Variants in GRIN2A observed in about 807,000 individuals in gnomAD.
The protein encoded by GRIN2A is glutamate receptor ionotropic, NMDA 2A.
Under a neutral mutation model 113.4 loss-of-function variants are expected in GRIN2A, and 22 were observed. The observed-to-expected ratio is 0.19, with a 90% CI of 0.14 to 0.28. The LOEUF (loss-of-function observed/expected upper bound fraction) is 0.28. GRIN2A is among the 10% of genes least tolerant of loss of function. The probability of loss-of-function intolerance (pLI) is 1.00; values close to 1 mark genes in which losing one functional copy is unlikely to be tolerated. For missense variants in GRIN2A, 1,502 were observed against 1,887.0 expected, an observed-to-expected ratio of 0.80 and a Z score of 3.78; for synonymous variants, 827 against 738.4, an observed-to-expected ratio of 1.12 and a Z score of -1.94.
chr16:10,109,355 A>C (rs1170786417), intron 2 of GRIN2A, among the ~76,000 whole-genome samples: 1 of 152,092 alleles, frequency 6.6e-6, no homozygotes, highest in Non-Finnish European at 1.5e-5. Context: ...GAAAAAAAAA[A>C]AAGAGTCCTA....
chr16:9,907,409 C>T (rs1042582514), intron 3 of GRIN2A, among the ~76,000 whole-genome samples: 7 of 152,044 alleles, frequency 4.6e-5, no homozygotes, highest in Admixed American at 3.9e-4. Flanking sequence ...TGACATTCTC[C>T]GAAACCCAAA....
intron 2 of GRIN2A, among the ~76,000 whole-genome samples, chr16:10,095,822 G>C (rs1472742814): frequency 6.6e-6 from 1 of 151,978 alleles, no homozygotes; most frequent in Admixed American, 6.6e-5. Context: ...ATCATCTCTT[G>C]ATACAATGCA....
At chr16:10,154,107 G>T (rs1277938429) in intron 2 of GRIN2A, among the ~76,000 whole-genome samples, 1 of 152,106 alleles carries the variant, frequency 6.6e-6, no homozygotes, top group African/African-American at 2.4e-5. Flanking sequence ...TGAATCAGTT[G>T]TGGCAATCAA....
chr16:9,879,213 G>C (rs971983930), intron 4 of GRIN2A, among the ~76,000 whole-genome samples: 1 of 152,076 alleles, frequency 6.6e-6, no homozygotes, highest in African/African-American at 2.4e-5. Flanking sequence ...ACTCTGCTAA[G>C]GTTGATATTA....
chr16:9,855,708 T>TGC (rs1408542107), intron 4 of GRIN2A, among the ~76,000 whole-genome samples: 516 of 152,318 alleles, frequency 3.4e-3, no homozygotes, highest in African/African-American at 0.011. Context: ...TTACTTGACA[T>TGC]TTAATTCTGT....
At chr16:9,984,540 T>C (rs1008317787) in intron 2 of GRIN2A, among the ~76,000 whole-genome samples, 4 of 152,192 alleles carry the variant, frequency 2.6e-5, no homozygotes, top group Non-Finnish European at 5.9e-5. Flanking sequence ...TGGTGAGAGA[T>C]AGATGCCTAG....
At chr16:9,771,326 AT>A (rs1486890076) in intron 11 of GRIN2A, among the ~76,000 whole-genome samples, 2 of 151,610 alleles carry the variant, frequency 1.3e-5, no homozygotes, top group Non-Finnish European at 2.9e-5. Context: ...GTAATTTCCA[AT>A]AGATGTATTT....
chr16:9,953,982 T>A (rs1441291004), intron 2 of GRIN2A, among the ~76,000 whole-genome samples: 3 of 151,726 alleles, frequency 2.0e-5, no homozygotes, highest in Admixed American at 2.0e-4. Context: ...TTTAGAGGTA[T>A]AGAGAAGAAT....
chr16:9,775,196 C>T (rs1287221534), intron 11 of GRIN2A, among the ~76,000 whole-genome samples: 6 of 152,074 alleles, frequency 3.9e-5, no homozygotes, highest in Non-Finnish European at 8.8e-5. Flanking sequence ...CACAGGCACA[C>T]GTCTACATAT....
At chr16:9,901,138 C>T (rs2043913658) in intron 3 of GRIN2A, among the ~76,000 whole-genome samples, 1 of 152,156 alleles carries the variant, frequency 6.6e-6, no homozygotes. Flanking sequence ...CCTTCTGCTG[C>T]TTTTTCTCCC....
chr16:9,882,180 G>T (rs1173240987), intron 4 of GRIN2A, among the ~76,000 whole-genome samples: 4 of 152,100 alleles, frequency 2.6e-5, no homozygotes, highest in African/African-American at 9.7e-5. Context: ...GGAAAGAGAT[G>T]GCAAGGAGAG....
At position 10,008,141 on chromosome 16, in the gene GRIN2A, T is replaced by C. The variant is rs557285942; in HGVS notation, c.415-69590A>G. Among the ~76,000 whole-genome samples the C allele has an allele frequency of 5.3e-5, 8 of 152,144 alleles. No homozygotes were observed. In the East Asian group the frequency reaches 9.7e-4, roughly 18 times the overall value. On this transcript the variant is annotated intron_variant, in intron 2 of 12. Transcript: ENST00000330684. ...AGAGAGGAGGCAGGGAATGAAGGTA[T>C]TGGAGATCTGTCCTCTTGAGCCTTG...
rs763352838 is a variant in GRIN2A at position 9,764,061 on chromosome 16, C to G, written c.3483G>C (p.Gly1161=). Residue 1161 remains glycine, a synonymous_variant, in exon 13 of 13, where the codon GGG becomes GGC. Coordinates refer to ENST00000330684, the MANE Select transcript of GRIN2A (RefSeq NM_001134407.3). ...TCCGGTTCATTGGCAGCGTGGAGTC[C>G]CCCTTGCGGAAGTTTTCACTGGGAT... ...YQDPSENFRK[G]DSTLPMNRNP... is the part of the protein sequence containing the mutation. The G allele has an allele frequency of 6.2e-7, 1 of 1,613,640 alleles. No individual in the cohort carries two copies.
intron 4 of GRIN2A, among the ~76,000 whole-genome samples, chr16:9,868,522 C>T (rs1357379348): frequency 6.6e-6 from 1 of 152,182 alleles, no homozygotes; most frequent in Non-Finnish European, 1.5e-5. Flanking sequence ...CTGCCTCAAC[C>T]TCCCAAAGTG....
chr16:10,018,040 A>G (rs939875130), intron 2 of GRIN2A, among the ~76,000 whole-genome samples: 9 of 152,166 alleles, frequency 5.9e-5, no homozygotes, highest in Admixed American at 5.2e-4. Flanking sequence ...GGGATTCTTA[A>G]TCTCTTCTTC....
chr16:10,159,845 T>C (rs2049776309), intron 2 of GRIN2A, among the ~76,000 whole-genome samples: 1 of 152,194 alleles, frequency 6.6e-6, no homozygotes, highest in South Asian at 2.1e-4. Flanking sequence ...CAAACTATCG[T>C]TCTCATTATG....
chr16:10,051,153 G>C (rs946875693), intron 2 of GRIN2A, among the ~76,000 whole-genome samples: 6 of 152,260 alleles, frequency 3.9e-5, no homozygotes, highest in African/African-American at 1.2e-4. Flanking sequence ...CAAACAATAA[G>C]AAACACTGTG....
At chr16:10,056,642 G>A (rs2047461177) in intron 2 of GRIN2A, among the ~76,000 whole-genome samples, 1 of 152,162 alleles carries the variant, frequency 6.6e-6, no homozygotes, top group Non-Finnish European at 1.5e-5. Context: ...AATGACTGGT[G>A]TCCTGAAGAG....
intron 2 of GRIN2A, among the ~76,000 whole-genome samples, chr16:10,051,074 G>C (rs1420963501): frequency 6.6e-6 from 1 of 152,210 alleles, no homozygotes; most frequent in Non-Finnish European, 1.5e-5. Flanking sequence ...GGATGATGTA[G>C]ATGTAAGTGC....
Sources: allele counts gnomAD v4.1 joint callset (sites outside exome capture counted in the v4.1 genomes callset), GRCh38; gene constraint gnomAD v4.1.1; transcripts MANE v1.5; gene names NCBI Gene and HGNC (gene_info 2026-07-23, HGNC 2026-07-21).